Variants in SH3GL2 observed in about 807,000 individuals in gnomAD.
SH3GL2 encodes SH3 domain containing GRB2 like 2, endophilin A1, also known as endophilin-A1.
Under a neutral mutation model 46.0 loss-of-function variants are expected in SH3GL2, and 24 were observed. The observed-to-expected ratio is 0.52, with a 90% CI of 0.38 to 0.73. The LOEUF (loss-of-function observed/expected upper bound fraction) is 0.73, where lower values mean the gene tolerates loss of function less well. SH3GL2 is among the 30% of genes least tolerant of loss of function. The pLI is 0.00. For synonymous variants in SH3GL2, 196 were observed against 147.1 expected (o/e 1.33, Z -2.40); for missense variants, 413 against 424.2 (o/e 0.97, Z 0.23).
intron 2 of SH3GL2, among the ~76,000 whole-genome samples, chr9:17,752,293 C>G (rs181775226): frequency 3.5e-4 from 53 of 152,208 alleles, no homozygotes; most frequent in African/African-American, 1.2e-3. Context: ...TTGAGCTGTT[C>G]TTGTTCAGGA....
intron 2 of SH3GL2, among the ~76,000 whole-genome samples, chr9:17,751,602 T>C (rs1397806573): frequency 6.6e-6 from 1 of 152,026 alleles, no homozygotes; most frequent in Non-Finnish European, 1.5e-5. Context: ...GACCTGCTAG[T>C]TCCCTCCCAT....
At chr9:17,617,958 T>C (rs1819044065) in intron 1 of SH3GL2, among the ~76,000 whole-genome samples, 1 of 152,154 alleles carries the variant, frequency 6.6e-6, no homozygotes, top group South Asian at 2.1e-4. Flanking sequence ...AATCAAGCAG[T>C]TCATTTTGGC....
chr9:17,579,542 C>T (rs1449243190), intron 1 of SH3GL2, among the ~76,000 whole-genome samples: 3 of 152,096 alleles, frequency 2.0e-5, no homozygotes, highest in Admixed American at 2.0e-4. Flanking sequence ...TAGCGCTGCT[C>T]GCCGCCCCCG....
At chr9:17,772,217 G>A (rs368203320) in intron 3 of SH3GL2, among the ~76,000 whole-genome samples, 1 of 152,090 alleles carries the variant, frequency 6.6e-6, no homozygotes, top group Non-Finnish European at 1.5e-5. Context: ...GAAGTATTAA[G>A]CCCCAAATCT....
At chr9:17,748,041 TA>T (rs1212198228) in intron 2 of SH3GL2, among the ~76,000 whole-genome samples, 1 of 152,180 alleles carries the variant, frequency 6.6e-6, no homozygotes, top group East Asian at 1.9e-4. Flanking sequence ...AGTTAAGGCT[TA>T]AAAATAATGT....
intron 3 of SH3GL2, among the ~76,000 whole-genome samples, chr9:17,778,952 T>C (rs1425313956): frequency 6.6e-6 from 1 of 152,000 alleles, no homozygotes; most frequent in African/African-American, 2.4e-5. Context: ...AGTTTGAATA[T>C]GTTAAGTTTG....
chr9:17,751,479 C>CGTGTGTGTGTGTGTGTGTGT (rs58212352), intron 2 of SH3GL2, among the ~76,000 whole-genome samples: 2 of 146,474 alleles, frequency 1.4e-5, no homozygotes, highest in African/African-American at 5.1e-5. Context: ...TTTGTGTGTG[C>CGTGTGTGTGTGTGTGTGTGT]GTGTGTGTGT....
Position 17,593,350 on chromosome 9 carries a change from C to G in SH3GL2, c.45+14063C>G, listed in dbSNP as rs370769836. 2.0e-5 allele frequency among the ~76,000 whole-genome samples: 3 copies of G among 152,170 alleles called. No individual in the cohort carries two copies. In the South Asian group the frequency reaches 6.2e-4, roughly 32 times the overall value. ...CAACCTGTGGGATCTGACGCTATCT[C>G]CAGGTAGTGTCAGAATTGAATTGAA... is the stretch of plus-strand genomic sequence containing the variant. On this transcript the variant is annotated intron_variant, in intron 1 of 8. Transcript: ENST00000380607.
At chr9:17,767,094 T>C (rs187608733) in intron 3 of SH3GL2, among the ~76,000 whole-genome samples, 16 of 152,326 alleles carry the variant, frequency 1.1e-4, no homozygotes, top group African/African-American at 3.8e-4. Flanking sequence ...GATAATCTAA[T>C]ACAAATTTCC....
chr9:17,687,015 T>G (rs1820931746), intron 1 of SH3GL2, among the ~76,000 whole-genome samples: 1 of 151,814 alleles, frequency 6.6e-6, no homozygotes, highest in Non-Finnish European at 1.5e-5. Context: ...GTGAACTACA[T>G]TTTGATTGTT....
chr9:17,761,555 T>G lies in SH3GL2; in HGVS notation c.187+46T>G, dbSNP rs765360825. The G allele has an allele frequency of 5.4e-6, 6 of 1,119,760 alleles. No individual in the cohort carries two copies. In the African/African-American group the frequency reaches 9.2e-5, roughly 17 times the overall value. 69.4% of individuals were successfully genotyped at this position (1,119,760 alleles called of 1,614,324 possible). A position where few individuals can be genotyped will look rare whatever the true frequency, so the allele number is the denominator to read the frequency against. ...TTTAAAGGATCCCTCGAGGTAACTTTTAGTTTCTCTTTGATAGACATTTTA... is the reference window on the plus strand; with the variant it reads ...TTTAAAGGATCCCTCGAGGTAACTTGTAGTTTCTCTTTGATAGACATTTTA... On this transcript the variant is annotated intron_variant, in intron 3 of 8. Transcript: ENST00000380607.
chr9:17,624,522 A>T (rs147004521), intron 1 of SH3GL2, among the ~76,000 whole-genome samples: 1 of 69,954 alleles, frequency 1.4e-5, no homozygotes, highest in Non-Finnish European at 3.8e-5. Context: ...GTCTCATATA[A>T]TTTTATTTAT....
chr9:17,732,917 G>A (rs1043668946), intron 1 of SH3GL2, among the ~76,000 whole-genome samples: 1 of 152,068 alleles, frequency 6.6e-6, no homozygotes, highest in African/African-American at 2.4e-5. Flanking sequence ...GTTTGAGTGG[G>A]TTTGGAATCA....
At chr9:17,684,945 G>C (rs1006614572) in intron 1 of SH3GL2, among the ~76,000 whole-genome samples, 2 of 152,092 alleles carry the variant, frequency 1.3e-5, no homozygotes, top group African/African-American at 4.8e-5. Flanking sequence ...CAACCACATT[G>C]ATCTGAACTG....
At chr9:17,711,029 C>G (rs893235469) in intron 1 of SH3GL2, among the ~76,000 whole-genome samples, 1 of 151,864 alleles carries the variant, frequency 6.6e-6, no homozygotes, top group African/African-American at 2.4e-5. Context: ...CTGTGGGTAA[C>G]TGAAACCATG....
chr9:17,793,475 C>T lies in SH3GL2; in HGVS notation c.837C>T (p.His279=). The T allele has an allele frequency of 6.2e-7, 1 of 1,613,114 alleles. No individual in the cohort carries two copies. Residue 279 remains histidine, a synonymous_variant, in exon 8 of 9, where the codon CAC becomes CAT. Coordinates refer to ENST00000380607, the MANE Select transcript of SH3GL2 (RefSeq NM_003026.5). Reference sequence around the variant, plus strand: ...CTCAGCCCAATGGGGGTCTCTCCCACACAGGCACTCCCAAACCTTCAGGTA... The same window carrying T: ...CTCAGCCCAATGGGGGTCTCTCCCATACAGGCACTCCCAAACCTTCAGGTA... The part of the protein sequence containing the change: ...DSTQPNGGLS[H]TGTPKPSGVQ...
At chr9:17,781,542 A>G (rs1823810511) in intron 3 of SH3GL2, among the ~76,000 whole-genome samples, 1 of 152,114 alleles carries the variant, frequency 6.6e-6, no homozygotes, top group South Asian at 2.1e-4. Context: ...CATGTCTGTT[A>G]TGCATGTACA....
chr9:17,663,435 G>T (rs1398918517), intron 1 of SH3GL2, among the ~76,000 whole-genome samples: 3 of 152,024 alleles, frequency 2.0e-5, no homozygotes, highest in Admixed American at 6.5e-5. Flanking sequence ...TATGCATTCT[G>T]TTAGACTGAA....
Position 17,757,378 on chromosome 9 carries a change from C to G in SH3GL2, c.115-4059C>G, listed in dbSNP as rs369459816. Among the ~76,000 whole-genome samples the G allele has an allele frequency of 9.7e-4, 147 of 152,262 alleles. 1 individual carries two copies. The South Asian group carries it at 0.029, about 30-fold the overall frequency. ...ACCATCAGAGTGAACAGGCAACCTA[C>G]AGAATGGGAGAAAATTTTTGCAATC... is the stretch of plus-strand genomic sequence containing the variant. On this transcript the variant is annotated intron_variant, in intron 2 of 8. Transcript: ENST00000380607.
Sources: gnomAD v4.1 joint callset for allele counts (sites outside exome capture counted in the v4.1 genomes callset) on GRCh38, gnomAD v4.1.1 for gene constraint, MANE v1.5 for transcripts, NCBI Gene and HGNC (gene_info 2026-07-23, HGNC 2026-07-21) for gene names.